The following IFNA2 variants were observed in gnomAD, a reference collection of about 807,000 sequenced individuals.
The protein encoded by IFNA2 is interferon alpha-2.
For synonymous variants in IFNA2, 91 were observed against 80.7 expected (o/e 1.13, Z -0.68); for missense variants, 260 against 210.3 (o/e 1.24, Z -1.46).
chr9:21,385,293 C>A lies in IFNA2; in HGVS notation c.37G>T (p.Val13Leu). 1.9e-6 allele frequency: 3 copies of A among 1,613,250 alleles called. No individual in the cohort carries two copies. Among genetic ancestry groups the A allele is most frequent in the Middle Eastern group, 1.7e-4 (1 of 6,046 alleles). ...LTFALLVALL[V>L]LSCKSSCSVG... ...GAGCAGCTTGACTTGCAGCTGAGCA[C>A]CAGGAGGGCCACCAGTAAAGCAAAG... Residue 13 changes from valine to leucine, a missense_variant, in exon 1 of 1, where the codon GTG becomes TTG. By Grantham distance (32) the Val-to-Leu change is conservative (BLOSUM62 1). Transcript: ENST00000380206.
chr9:21,385,358 G>C lies in IFNA2; in HGVS notation c.-29C>G. ...AGATGTTGCAGATGCTGCTAGACTGGTTGAAATGGGTGAGCCTAAACCTTA... is the reference window on the plus strand; with the variant it reads ...AGATGTTGCAGATGCTGCTAGACTGCTTGAAATGGGTGAGCCTAAACCTTA... On this transcript the variant is annotated 5_prime_UTR_variant, in exon 1 of 1. Transcript: ENST00000380206. 1 of 1,556,880 alleles carries C rather than the reference G, an allele frequency of 6.4e-7. No individual in the cohort carries two copies. The highest frequency in any genetic ancestry group is 8.7e-7 in the Non-Finnish European group (1 of 1,149,022).
Position 21,384,790 on chromosome 9 carries a change from C to A in IFNA2, c.540G>T (p.Leu180Phe). 6.2e-7 allele frequency: 1 copy of A among 1,610,210 alleles called. No homozygotes were observed. Among genetic ancestry groups the A allele is most frequent in the Non-Finnish European group, 8.5e-7 (1 of 1,178,660 alleles). The change falls in exon 1 of 1, where the codon TTG becomes TTT. Residue 180 changes from leucine to phenylalanine, a missense_variant. Physicochemically the swap from Leu to Phe is conservative, Grantham distance 22. Transcript: ENST00000380206. Reference sequence around the variant, plus strand: ...ATTCCTTACTTCTTAAACTTTCTTGCAAGTTTGTTGACAAAGAAAAAGATC... The same window carrying A: ...ATTCCTTACTTCTTAAACTTTCTTGAAAGTTTGTTGACAAAGAAAAAGATC... ...IMRSFSLSTN[L>F]QESLRSKE
In IFNA2 at chr9:21,385,144, G is replaced by A. The variant is rs368968439; in HGVS notation, c.186C>T (p.Pro62=). The part of the protein sequence containing the change: ...CLKDRHDFGF[P]QEEFGNQFQK... The stretch of plus-strand genomic sequence containing the variant: ...GGAACTGGTTGCCAAACTCCTCCTG[G>A]GGAAATCCAAAGTCATGTCTGTCCT... The change falls in exon 1 of 1, where the codon CCC becomes CCT. Residue 62 remains proline, a synonymous_variant. Coordinates refer to ENST00000380206, the MANE Select transcript of IFNA2 (RefSeq NM_000605.4). The A allele has an allele frequency of 3.7e-6, 6 of 1,613,864 alleles. No homozygotes were observed. The highest frequency in any genetic ancestry group is 5.1e-6 in the Non-Finnish European group (6 of 1,179,964).
At position 21,385,193 on chromosome 9, in the gene IFNA2, C is replaced by T. The variant is rs1061959; in HGVS notation, c.137G>A (p.Arg46Lys). The T allele has an allele frequency of 7.3e-4, 1,178 of 1,614,008 alleles. 7 individuals are homozygous for T. The African/African-American group carries it at 0.014, about 19-fold the overall frequency. Reference protein sequence around the residue: ...RTLMLLAQMRRISLFSCLKDR... With the variant: ...RTLMLLAQMRKISLFSCLKDR... The stretch of plus-strand genomic sequence containing the variant: ...CTTCAAGCAGGAGAAAAGAGAGATT[C>T]TCCTCATCTGTGCCAGGAGCATCAA... The change falls in exon 1 of 1, where the codon AGA becomes AAA. Residue 46 changes from arginine (R) to lysine (K), a missense_variant. Physicochemically the swap from Arg to Lys is conservative, Grantham distance 26 (BLOSUM62 2). Transcript: ENST00000380206.
chr9:21,384,875 TAGAG>T, the IFNA2 span: 46 of 1,614,004 alleles, frequency 2.9e-5, no homozygotes, highest in Non-Finnish European at 3.5e-5. Flanking sequence ...CTCTTTCAGA[TAGAG>T]AGTGATTCTT....
At position 21,385,057 on chromosome 9, in the gene IFNA2, G is replaced by T. The variant is rs1820865216; in HGVS notation, c.273C>A (p.Ser91Arg). The change falls in exon 1 of 1, where the codon AGC becomes AGA. Residue 91 changes from serine to arginine, a missense_variant. Physicochemically the swap from Ser to Arg is moderately radical, Grantham distance 110. Coordinates refer to ENST00000380206, the MANE Select transcript of IFNA2 (RefSeq NM_000605.4). ...EMIQQIFNLF[S>R]TKDSSAAWDE... ...CCCAAGCAGCAGATGAGTCCTTTGT[G>T]CTGAAGAGATTGAAGATCTGCTGGA... 85 of 1,613,954 alleles carry T rather than the reference G, an allele frequency of 5.3e-5. No homozygotes were observed. The highest frequency in any genetic ancestry group is 7.1e-5 in the Non-Finnish European group (84 of 1,179,952).
rs1446784148 is a variant in IFNA2, at chr9:21,384,936, G to C, written c.394C>G (p.Pro132Ala). ...AGAATGGAGTCCTCCTTCATCAGGGGAGTCTCTGTCACCCCCACCCCCTGT... is the reference window on the plus strand; with the variant it reads ...AGAATGGAGTCCTCCTTCATCAGGGCAGTCTCTGTCACCCCCACCCCCTGT... ...VIQGVGVTET[P>A]LMKEDSILAV... Residue 132 changes from proline to alanine, a missense_variant, in exon 1 of 1, where the codon CCC becomes GCC. Coordinates refer to ENST00000380206, the MANE Select transcript of IFNA2 (RefSeq NM_000605.4). The C allele has an allele frequency of 1.2e-6, 2 of 1,613,872 alleles. No homozygotes were observed. The highest frequency in any genetic ancestry group is 2.7e-5 in the African/African-American group (2 of 74,876).
At position 21,385,293 on chromosome 9, in the gene IFNA2, C is replaced by T. The variant is rs1357315591; in HGVS notation, c.37G>A (p.Val13Met). The T allele has an allele frequency of 1.9e-6, 3 of 1,613,250 alleles. No individual in the cohort carries two copies. The highest frequency in any genetic ancestry group is 1.7e-6 in the Non-Finnish European group (2 of 1,179,620). ...LTFALLVALL[V>M]LSCKSSCSVG... ...GAGCAGCTTGACTTGCAGCTGAGCACCAGGAGGGCCACCAGTAAAGCAAAG... is the reference window on the plus strand; with the variant it reads ...GAGCAGCTTGACTTGCAGCTGAGCATCAGGAGGGCCACCAGTAAAGCAAAG... Residue 13 changes from valine to methionine, a missense_variant, in exon 1 of 1, where the codon GTG becomes ATG. Val to Met is a conservative substitution (Grantham distance 21). Transcript: ENST00000380206.
rs149028903 is a variant in IFNA2 at position 21,385,218 on chromosome 9, A to G, written c.112T>C (p.Leu38=). The change falls in exon 1 of 1, where the codon TTG becomes CTG. Residue 38 remains leucine, a synonymous_variant. Coordinates refer to ENST00000380206, the MANE Select transcript of IFNA2 (RefSeq NM_000605.4). The part of the protein sequence containing the change: ...QTHSLGSRRT[L]MLLAQMRRIS... ...CTCCTCATCTGTGCCAGGAGCATCA[A>G]GGTCCTCCTGCTACCCAGGCTGTGG... is the stretch of plus-strand genomic sequence containing the variant. 8 of 1,614,064 alleles carry G rather than the reference A, an allele frequency of 5.0e-6. No individual in the cohort carries two copies. Among genetic ancestry groups the G allele is most frequent in the Non-Finnish European group, 6.8e-6 (8 of 1,179,994 alleles).
rs1820856614 is a variant in IFNA2 at position 21,384,723 on chromosome 9, A to G, written c.*40T>C. ...GCAGATCATAAAAAGGTGAGCTGGC[A>G]TACGAATCAATGAAAATCATTTCCA... On this transcript the variant is annotated 3_prime_UTR_variant, in exon 1 of 1. Transcript: ENST00000380206. 1 of 1,532,792 alleles carries G rather than the reference A, an allele frequency of 6.5e-7. No homozygotes were observed. The highest frequency in any genetic ancestry group is 8.8e-7 in the Non-Finnish European group (1 of 1,132,376). The allele number at this position is 1,532,792 out of a possible 1,614,324, so 94.9% of individuals were successfully genotyped here.
chr9:21,384,915 T>A lies in IFNA2; in HGVS notation c.415A>T (p.Ile139Phe), dbSNP rs774475246. The A allele has an allele frequency of 6.2e-7, 1 of 1,614,068 alleles. No individual in the cohort carries two copies. The highest frequency in any genetic ancestry group is 8.5e-7 in the Non-Finnish European group (1 of 1,179,970). ...TETPLMKEDS[I>F]LAVRKYFQRI... ...TGGAAGTATTTCCTCACAGCCAGAATGGAGTCCTCCTTCATCAGGGGAGTC... is the reference window on the plus strand; with the variant it reads ...TGGAAGTATTTCCTCACAGCCAGAAAGGAGTCCTCCTTCATCAGGGGAGTC... Residue 139 changes from isoleucine to phenylalanine, a missense_variant, in exon 1 of 1, where the codon ATT becomes TTT. Transcript: ENST00000380206.
rs142619231 is a variant in IFNA2, at chr9:21,384,957, C to T, written c.373G>A (p.Gly125Arg). Reference sequence around the variant, plus strand: ...AGGGGAGTCTCTGTCACCCCCACCCCCTGTATCACACAGGCTTCCAGGTCA... The same window carrying T: ...AGGGGAGTCTCTGTCACCCCCACCCTCTGTATCACACAGGCTTCCAGGTCA... ...LNDLEACVIQ[G>R]VGVTETPLMK... is the part of the protein sequence containing the mutation. The change falls in exon 1 of 1, where the codon GGG becomes AGG. Residue 125 changes from glycine (G) to arginine (R), a missense_variant. Gly to Arg is a moderately radical substitution (Grantham distance 125, BLOSUM62 -2). Coordinates refer to ENST00000380206, the MANE Select transcript of IFNA2 (RefSeq NM_000605.4). The T allele has an allele frequency of 6.2e-7, 1 of 1,613,970 alleles. No homozygotes were observed. Among genetic ancestry groups the T allele is most frequent in the Non-Finnish European group, 8.5e-7 (1 of 1,179,948 alleles).
Position 21,384,256 on chromosome 9 carries a change from G to C in IFNA2, c.*507C>G, listed in dbSNP as rs1820850851. 1 of 152,106 alleles carries C rather than the reference G, an allele frequency of 6.6e-6. No homozygotes were observed. The highest frequency in any genetic ancestry group is 2.1e-4 in the South Asian group (1 of 4,838). The allele number at this position is 152,106 out of a possible 1,614,324, so 9.4% of individuals were successfully genotyped here. A position where few individuals can be genotyped will look rare whatever the true frequency, so the allele number is the denominator to read the frequency against. On this transcript the variant is annotated 3_prime_UTR_variant, in exon 1 of 1. Coordinates refer to ENST00000380206, the MANE Select transcript of IFNA2 (RefSeq NM_000605.4). ...TTATCTTGAGTACAACATACAACCT[G>C]GTTTACAGAAAGTTTATTTTTACTT...
In IFNA2 at chr9:21,384,626, A is replaced by T; in HGVS notation, c.*137T>A. ...TTAAGAGCTGAATACAATGTTGATT[A>T]ATACTCCTAAAAACATTTGAAAAGA... On this transcript the variant is annotated 3_prime_UTR_variant, in exon 1 of 1. Coordinates refer to ENST00000380206, the MANE Select transcript of IFNA2 (RefSeq NM_000605.4). 2 of 898,710 alleles carry T rather than the reference A, an allele frequency of 2.2e-6. No individual in the cohort carries two copies. The highest frequency in any genetic ancestry group is 3.2e-6 in the Non-Finnish European group (2 of 615,828). 55.7% of individuals were successfully genotyped at this position (898,710 alleles called of 1,614,324 possible).
In IFNA2 at chr9:21,385,349, G is replaced by C. The variant is rs1267659206; in HGVS notation, c.-20C>G. On this transcript the variant is annotated 5_prime_UTR_variant, in exon 1 of 1. Coordinates refer to ENST00000380206, the MANE Select transcript of IFNA2 (RefSeq NM_000605.4). ...GGCCATTGTAGATGTTGCAGATGCT[G>C]CTAGACTGGTTGAAATGGGTGAGCC... The C allele has an allele frequency of 1.9e-6, 3 of 1,579,730 alleles. No individual in the cohort carries two copies. The highest frequency in any genetic ancestry group is 2.6e-6 in the Non-Finnish European group (3 of 1,164,868).
rs766998040 is a variant in IFNA2 at position 21,385,297 on chromosome 9, G to A, written c.33C>T (p.Leu11=). The A allele has an allele frequency of 9.9e-6, 16 of 1,613,098 alleles. No individual in the cohort carries two copies. In the South Asian group the frequency reaches 1.8e-4, roughly 18 times the overall value. The part of the protein sequence containing the change: MALTFALLVA[L]LVLSCKSSCS... Reference sequence around the variant, plus strand: ...AGCTTGACTTGCAGCTGAGCACCAGGAGGGCCACCAGTAAAGCAAAGGTCA... The same window carrying A: ...AGCTTGACTTGCAGCTGAGCACCAGAAGGGCCACCAGTAAAGCAAAGGTCA... Residue 11 remains leucine, a synonymous_variant, in exon 1 of 1, where the codon CTC becomes CTT. Transcript: ENST00000380206.
In IFNA2 at chr9:21,384,809, A is replaced by G. The variant is rs1180860881; in HGVS notation, c.521T>C (p.Phe174Ser). The change falls in exon 1 of 1, where the codon TTT (phenylalanine) becomes TCT (serine). Residue 174 changes from phenylalanine to serine, a missense_variant. Transcript: ENST00000380206. ...EVVRAEIMRS[F>S]SLSTNLQESL... is the part of the protein sequence containing the mutation. Reference sequence around the variant, plus strand: ...TTCTTGCAAGTTTGTTGACAAAGAAAAAGATCTCATGATTTCTGCTCTGAC... The same window carrying G: ...TTCTTGCAAGTTTGTTGACAAAGAAGAAGATCTCATGATTTCTGCTCTGAC... 6.2e-7 allele frequency: 1 copy of G among 1,612,732 alleles called. No homozygotes were observed. Among genetic ancestry groups the G allele is most frequent in the Non-Finnish European group, 8.5e-7 (1 of 1,179,596 alleles).
rs561475983 is a variant in IFNA2, at chr9:21,384,336, C to T, written c.*427G>A. 6.6e-6 allele frequency: 1 copy of T among 152,492 alleles called. No individual in the cohort carries two copies. Among genetic ancestry groups the T allele is most frequent in the African/African-American group, 2.4e-5 (1 of 41,572 alleles). 9.4% of individuals were successfully genotyped at this position (152,492 alleles called of 1,614,324 possible). On this transcript the variant is annotated 3_prime_UTR_variant, in exon 1 of 1. Transcript: ENST00000380206. ...TGAAGTGTACCAGTTATTCTGTAATCAGGTTGCACAATTAGGCTTGGAATT... is the reference window on the plus strand; with the variant it reads ...TGAAGTGTACCAGTTATTCTGTAATTAGGTTGCACAATTAGGCTTGGAATT...
chr9:21,385,388 C>CA lies in IFNA2; in HGVS notation c.-60_-59insT. 1 of 1,403,924 alleles carries CA rather than the reference C, an allele frequency of 7.1e-7. No individual in the cohort carries two copies. Among genetic ancestry groups the CA allele is most frequent in the Non-Finnish European group, 9.7e-7 (1 of 1,028,380 alleles). The allele number at this position is 1,403,924 out of a possible 1,614,324, so 87.0% of individuals were successfully genotyped here. A position where few individuals can be genotyped will look rare whatever the true frequency, so the allele number is the denominator to read the frequency against. ...AATGGGTGAGCCTAAACCTTAGGCT[C>CA]CAGGTTCTCTGAAGACCTTGCTTTG... On this transcript the variant is annotated 5_prime_UTR_variant, in exon 1 of 1. Transcript: ENST00000380206.
Sources: allele counts gnomAD v4.1 joint callset, GRCh38; gene constraint gnomAD v4.1.1; transcripts MANE v1.5; gene names NCBI Gene and HGNC (gene_info 2026-07-23, HGNC 2026-07-21).